The following GPR158 variants were observed in gnomAD, a reference collection of about 807,000 sequenced individuals.
The protein encoded by GPR158 is G protein-coupled receptor 158, also known as metabotropic glycine receptor.
GPR158 carries 30 observed loss-of-function variants against 78.2 expected under a neutral mutation model. The ratio of observed to expected loss-of-function variants is 0.38; its 90% CI spans 0.29 to 0.52. The LOEUF is 0.52. GPR158 is among the 20% of genes least tolerant of loss of function. The pLI is 0.83. For synonymous variants in GPR158, 581 were observed against 591.1 expected (o/e 0.98, Z 0.25); for missense variants, 1,463 against 1,523.5 (o/e 0.96, Z 0.66).
chr10:25,461,469 C>A (rs1166149899), intron 4 of GPR158, among the ~76,000 whole-genome samples: 1 of 152,178 alleles, frequency 6.6e-6, no homozygotes, highest in Non-Finnish European at 1.5e-5. Context: ...TAACTCTCTT[C>A]AATTCTGTGA....
chr10:25,464,586 A>G (rs570852670), intron 4 of GPR158, among the ~76,000 whole-genome samples: 58 of 152,326 alleles, frequency 3.8e-4, no homozygotes, highest in African/African-American at 1.4e-3. Flanking sequence ...TACCCGTTTT[A>G]TGGGTGAGAC....
chr10:25,206,009 T>C (rs1267075887), intron 1 of GPR158, among the ~76,000 whole-genome samples: 1 of 147,032 alleles, frequency 6.8e-6, no homozygotes, highest in Non-Finnish European at 1.5e-5. Flanking sequence ...TTTTTTGAGA[T>C]GGAGTCTCAC....
At chr10:25,418,117 G>A (rs12268521) in intron 4 of GPR158, among the ~76,000 whole-genome samples, 39 of 152,280 alleles carry the variant, frequency 2.6e-4, no homozygotes, top group African/African-American at 9.4e-4. Context: ...GTAATAGAGA[G>A]TTCTCTGTTC....
At chr10:25,462,628 CAA>C (rs765842706) in intron 4 of GPR158, among the ~76,000 whole-genome samples, 24 of 152,252 alleles carry the variant, frequency 1.6e-4, no homozygotes, top group Middle Eastern at 3.4e-3. Context: ...TCAACATTAA[CAA>C]GAGTTTGGAA....
chr10:25,498,904 G>A (rs544613195), intron 5 of GPR158, among the ~76,000 whole-genome samples: 4 of 152,182 alleles, frequency 2.6e-5, no homozygotes, highest in South Asian at 4.1e-4. Context: ...AGACTGGAGC[G>A]CAATGACTCA....
chr10:25,176,047 C>A lies in GPR158; in HGVS notation c.627C>A (p.Ser209=). 6.2e-7 allele frequency: 1 copy of A among 1,608,662 alleles called. No individual in the cohort carries two copies. The highest frequency in any genetic ancestry group is 1.1e-5 in the South Asian group (1 of 90,244). ...SRILLQDLSS[S]APHLANATLE... The stretch of plus-strand genomic sequence containing the variant: ...TCCTGCTCCAAGACCTGTCCTCCTC[C>A]GCACCCCACCTGGCCAACGCCACTC... Residue 209 remains serine (S), a synonymous_variant, in exon 1 of 11, where the codon TCC becomes TCA. Transcript: ENST00000376351. The surrounding 1 kb of genome is among the most constrained non-coding windows in gnomAD (Gnocchi z 6.3).
At position 25,176,483 on chromosome 10, in the gene GPR158, G is replaced by A. The variant is rs920866157; in HGVS notation, c.902+161G>A. On this transcript the variant is annotated intron_variant, in intron 1 of 10. Transcript: ENST00000376351. This position sits in a 1 kb window ranked among gnomAD's most constrained non-coding sequence, Gnocchi z 6.3. ...TGAGGGACACCCCACGCGGGCGCGG[G>A]TGCTTGGGGGCAAGAAGCGCCCCAC... Among the ~76,000 whole-genome samples the A allele has an allele frequency of 2.0e-5, 3 of 152,188 alleles. No homozygotes were observed. The highest frequency in any genetic ancestry group is 6.5e-5 in the Admixed American group (1 of 15,286).
intron 2 of GPR158, among the ~76,000 whole-genome samples, chr10:25,287,477 G>T (rs893545895): frequency 3.3e-5 from 5 of 152,068 alleles, no homozygotes; most frequent in Non-Finnish European, 4.4e-5. Flanking sequence ...CTGTTTGTTT[G>T]TATTGGTGAG....
Position 25,576,060 on chromosome 10 carries a change from T to G in GPR158, c.1753+3173T>G, listed in dbSNP as rs187709571. On this transcript the variant is annotated intron_variant, in intron 7 of 10. Coordinates refer to ENST00000376351, the MANE Select transcript of GPR158 (RefSeq NM_020752.3). ...GACATTGAAGAATTCTGTTGTTGTT[T>G]TTTTTTTCCAGTAGCTTTTGGGGTA... 2.4e-3 allele frequency among the ~76,000 whole-genome samples: 372 copies of G among 152,220 alleles called. 3 individuals are homozygous for G. Among genetic ancestry groups the G allele is most frequent in the African/African-American group, 7.7e-3 (321 of 41,514 alleles).
chr10:25,543,820 A>G (rs577988688), intron 5 of GPR158, among the ~76,000 whole-genome samples: 9 of 152,154 alleles, frequency 5.9e-5, no homozygotes, highest in African/African-American at 1.9e-4. Context: ...TTATGGCTCA[A>G]TGGTATTCCA....
At position 25,416,001 on chromosome 10, in the gene GPR158, G is replaced by A. The variant is rs1333424686; in HGVS notation, c.1335+3528G>A. 3.3e-5 allele frequency among the ~76,000 whole-genome samples: 5 copies of A among 152,098 alleles called. No individual in the cohort carries two copies. The East Asian group carries it at 9.6e-4, about 29-fold the overall frequency. ...TTTAAAAAGGTGAATATTAAAGTAT[G>A]TGTATTATATCTCAATAAATCTATT... On this transcript the variant is annotated intron_variant, in intron 4 of 10. Coordinates refer to ENST00000376351, the MANE Select transcript of GPR158 (RefSeq NM_020752.3).
At chr10:25,537,111 T>A (rs1260531989) in intron 5 of GPR158, among the ~76,000 whole-genome samples, 2 of 152,228 alleles carry the variant, frequency 1.3e-5, no homozygotes, top group South Asian at 4.1e-4. Context: ...AAGTAGACAA[T>A]GCATTCAAGA....
At chr10:25,193,589 A>G (rs1852804572) in intron 1 of GPR158, among the ~76,000 whole-genome samples, 1 of 152,236 alleles carries the variant, frequency 6.6e-6, no homozygotes, top group Non-Finnish European at 1.5e-5. Context: ...ATGTTGTGGT[A>G]ACATAGAAAC....
intron 1 of GPR158, among the ~76,000 whole-genome samples, chr10:25,210,506 A>G (rs1398036008): frequency 6.6e-6 from 1 of 152,192 alleles, no homozygotes; most frequent in East Asian, 1.9e-4. Flanking sequence ...ATAGCCTCAC[A>G]TTCCTGCCAA....
At chr10:25,239,255 T>A (rs192552546) in intron 2 of GPR158, among the ~76,000 whole-genome samples, 1 of 152,028 alleles carries the variant, frequency 6.6e-6, no homozygotes, top group East Asian at 1.9e-4. Flanking sequence ...GTGAGAGATA[T>A]GGGTGAGAGG....
chr10:25,365,947 T>G (rs1355153452), intron 2 of GPR158, among the ~76,000 whole-genome samples: 3 of 151,712 alleles, frequency 2.0e-5, no homozygotes, highest in Admixed American at 6.6e-5. Context: ...TACAGTTTTC[T>G]TTTTAAAAAC....
At chr10:25,245,974 TTC>T (rs1487158528) in intron 2 of GPR158, among the ~76,000 whole-genome samples, 6 of 152,202 alleles carry the variant, frequency 3.9e-5, no homozygotes, top group African/African-American at 9.6e-5. Flanking sequence ...AGAATTTTGT[TTC>T]TGTTTGCTTC....
At chr10:25,406,651 A>T (rs1834519477) in intron 3 of GPR158, among the ~76,000 whole-genome samples, 1 of 152,226 alleles carries the variant, frequency 6.6e-6, no homozygotes, top group Admixed American at 6.5e-5. Context: ...TATTTTCTAT[A>T]AAAAGTTGAT....
intron 2 of GPR158, among the ~76,000 whole-genome samples, chr10:25,348,637 A>G (rs1431529280): frequency 6.6e-6 from 1 of 152,022 alleles, no homozygotes; most frequent in Non-Finnish European, 1.5e-5. Context: ...TCCCCTAGTG[A>G]AGCCAAAAGC....
Sources: allele counts gnomAD v4.1 joint callset (sites outside exome capture counted in the v4.1 genomes callset), GRCh38; gene constraint gnomAD v4.1.1; non-coding constraint Gnocchi (gnomAD v3.1); transcripts MANE v1.5; gene names NCBI Gene and HGNC (gene_info 2026-07-23, HGNC 2026-07-21).